The following KRT1 variants were observed in gnomAD, a reference collection of about 807,000 sequenced individuals.
KRT1 encodes keratin, type II cytoskeletal 1.
Under a neutral mutation model 51.6 loss-of-function variants are expected in KRT1, and 28 were observed. The ratio of observed to expected loss-of-function variants is 0.54; its 90% CI spans 0.40 to 0.74. The LOEUF is 0.74. Ranked by LOEUF, KRT1 falls within the 30% of genes least tolerant of loss-of-function variation. KRT1 has a pLI of 0.00. For missense variants in KRT1, 783 were observed against 815.5 expected (o/e 0.96, Z 0.49); for synonymous variants, 301 against 307.7 (o/e 0.98, Z 0.23).
In KRT1 at chr12:52,678,600, A is replaced by G; in HGVS notation, c.748T>C (p.Ser250Pro). ...TTCTTCAGTTCCGAATCCAACCGAGATTGATCACTCTTCAGTTGGTCCACT... is the reference window on the plus strand; with the variant it reads ...TTCTTCAGTTCCGAATCCAACCGAGGTTGATCACTCTTCAGTTGGTCCACT... ...RRVDQLKSDQ[S>P]RLDSELKNMQ... Residue 250 changes from serine (S) to proline (P), a missense_variant, in exon 2 of 9, where the codon TCT (serine) becomes CCT (proline). Ser to Pro is a moderately conservative substitution (Grantham distance 74). Coordinates refer to ENST00000252244, the MANE Select transcript of KRT1 (RefSeq NM_006121.4). 2 of 1,614,170 alleles carry G rather than the reference A, an allele frequency of 1.2e-6. No individual in the cohort carries two copies. Among genetic ancestry groups the G allele is most frequent in the Non-Finnish European group, 1.7e-6 (2 of 1,180,044 alleles).
chr12:52,676,561 T>G, intron 6 of KRT1, 66 bp from the exon 7 acceptor site: 25 of 1,494,904 alleles, frequency 1.7e-5, no homozygotes, highest in Non-Finnish European at 2.1e-5. Flanking sequence ...TCCCAATTGG[T>G]CTCCCCACTC....
Position 52,677,723 on chromosome 12 carries a change from G to T in KRT1, c.890C>A (p.Thr297Asn), listed in dbSNP as rs199852766. 2 of 1,614,082 alleles carry T rather than the reference G, an allele frequency of 1.2e-6. No homozygotes were observed. The highest frequency in any genetic ancestry group is 2.7e-5 in the African/African-American group (2 of 75,030). ...AAGTTTGGCCTGAAGGTCCACCTTG[G>T]TCATATAAGCACCATCCACATCCTA... The part of the protein sequence containing the change: ...IKKDVDGAYM[T>N]KVDLQAKLDN... The change falls in exon 4 of 9, where the codon ACC becomes AAC. Residue 297 changes from threonine (T) to asparagine (N), a missense_variant. By Grantham distance (65) the Thr-to-Asn change is moderately conservative. Coordinates refer to ENST00000252244, the MANE Select transcript of KRT1 (RefSeq NM_006121.4).
chr12:52,677,175 G>A lies in KRT1; in HGVS notation c.1138C>T (p.Leu380=), dbSNP rs765291884. Residue 380 remains leucine, a synonymous_variant, in exon 6 of 9, where the codon CTG becomes TTG. Transcript: ENST00000252244. ...CCATGTCTGCCAGCAGTGATCTGCA[G>A]CTCTTCATACTAAAGATGGTAGATA... ...ESLYQSKYEE[L]QITAGRHGDS... 3.1e-6 allele frequency: 5 copies of A among 1,614,072 alleles called. No homozygotes were observed. In the East Asian group the frequency reaches 6.7e-5, roughly 22 times the overall value.
Position 52,675,703 on chromosome 12 carries a change from T to C in KRT1, c.1510+7A>G. On this transcript the variant is annotated splice_region_variant and intron_variant, in intron 8 of 8. Transcript: ENST00000252244. Reference sequence around the variant, plus strand: ...CACATGCCCCTGAGAAATCGACTTGTACTTACACACACTCACGTTCGGGGC... The same window carrying C: ...CACATGCCCCTGAGAAATCGACTTGCACTTACACACACTCACGTTCGGGGC... 1 of 1,614,162 alleles carries C rather than the reference T, an allele frequency of 6.2e-7. No homozygotes were observed. The highest frequency in any genetic ancestry group is 8.5e-7 in the Non-Finnish European group (1 of 1,180,036).
At chr12:52,677,524 A>T in intron 4 of KRT1, 44 bp from the exon 5 acceptor site, 1 of 1,612,948 alleles carries the variant, frequency 6.2e-7, no homozygotes, top group Non-Finnish European at 8.5e-7. Flanking sequence ...CACTAAAACA[A>T]AAAACAACTT....
At chr12:52,675,787 C>G (rs762063927) in intron 7 of KRT1, 43 bp from the exon 8 acceptor site, 17 of 1,610,004 alleles carry the variant, frequency 1.1e-5, no homozygotes, top group Non-Finnish European at 1.3e-5. Context: ...ACTCCAGCTT[C>G]CCAAACCGCT....
chr12:52,677,129 T>C lies in KRT1; in HGVS notation c.1184A>G (p.Lys395Arg). The C allele has an allele frequency of 6.2e-7, 1 of 1,614,154 alleles. No individual in the cohort carries two copies. The highest frequency in any genetic ancestry group is 8.5e-7 in the Non-Finnish European group (1 of 1,180,044). Residue 395 changes from lysine (K) to arginine (R), a missense_variant, in exon 6 of 9, where the codon AAG (lysine) becomes AGG (arginine). Transcript: ENST00000252244. ...ACGATTCAGCTCAGAAATTTCTATC[T>C]TTGAATTTCTCACACTATCCCCATG... is the stretch of plus-strand genomic sequence containing the variant. ...GRHGDSVRNSKIEISELNRVI... is the reference protein window; with the variant it reads ...GRHGDSVRNSRIEISELNRVI...
At position 52,680,403 on chromosome 12, in the gene KRT1, C is replaced by G; in HGVS notation, c.-55G>C. The G allele has an allele frequency of 6.8e-6, 10 of 1,481,232 alleles. No homozygotes were observed. The highest frequency in any genetic ancestry group is 9.4e-6 in the Non-Finnish European group (10 of 1,064,834). 91.8% of individuals were successfully genotyped at this position (1,481,232 alleles called of 1,614,324 possible). The stretch of plus-strand genomic sequence containing the variant: ...AGAGTAAGGGAAGGAGCTAAACACT[C>G]CTCTACCCCAAGCATAGAGACTTCC... On this transcript the variant is annotated 5_prime_UTR_variant, in exon 1 of 9. Transcript: ENST00000252244.
At chr12:52,678,102 T>A (rs1345209163) in intron 3 of KRT1, 61 bp downstream of exon 3, 17 of 1,525,098 alleles carry the variant, frequency 1.1e-5, no homozygotes, top group Non-Finnish European at 1.3e-5. Flanking sequence ...TGCTTAGTAA[T>A]TGGAGACCCT....
chr12:52,679,529 T>C (rs530511809), intron 1 of KRT1, among the ~76,000 whole-genome samples: 1 of 152,228 alleles, frequency 6.6e-6, no homozygotes, highest in Non-Finnish European at 1.5e-5. Flanking sequence ...TAAATGTTAA[T>C]GTCACACTGA....
intron 1 of KRT1, 103 bp downstream of exon 1, chr12:52,679,655 A>C (rs1941557059): frequency 6.9e-6 from 7 of 1,016,180 alleles, no homozygotes; most frequent in African/African-American, 1.6e-5. Context: ...CCTTTTAATC[A>C]TGTAAACATG....
rs748334745 is a variant in KRT1, at chr12:52,675,730, C to A, written c.1490G>T (p.Cys497Phe). The change falls in exon 8 of 9, where the codon TGT (cysteine) becomes TTT (phenylalanine). Residue 497 changes from cysteine (C) to phenylalanine (F), a missense_variant. Coordinates refer to ENST00000252244, the MANE Select transcript of KRT1 (RefSeq NM_006121.4). ...CTTACACACACTCACGTTCGGGGCA[C>A]ATTCTCCAGACATCCTGTAGGAGAA... ...EGEESRMSGE[C>F]APNVSVSVST... The A allele has an allele frequency of 6.2e-7, 1 of 1,614,212 alleles. No individual in the cohort carries two copies. Among genetic ancestry groups the A allele is most frequent in the Non-Finnish European group, 8.5e-7 (1 of 1,180,038 alleles).
At chr12:52,679,667 A>G (rs1941557260) in intron 1 of KRT1, 91 bp downstream of exon 1, 2 of 1,099,188 alleles carry the variant, frequency 1.8e-6, no homozygotes, top group African/African-American at 3.4e-5. Flanking sequence ...GTAAACATGG[A>G]AACTTGAGGT....
Position 52,679,869 on chromosome 12 carries a change from G to T in KRT1, c.480C>A (p.Ser160Arg). ...TCTCCACATTGAGGGGCTGAAGAAG[G>T]CTCTGGTTGATAGTGACTTCTTGTA... is the stretch of plus-strand genomic sequence containing the variant. ...GGIQEVTINQ[S>R]LLQPLNVEID... The change falls in exon 1 of 9, where the codon AGC (serine) becomes AGA (arginine). Residue 160 changes from serine to arginine, a missense_variant. Transcript: ENST00000252244. 1.2e-6 allele frequency: 2 copies of T among 1,614,144 alleles called. No individual in the cohort carries two copies. Among genetic ancestry groups the T allele is most frequent in the South Asian group, 1.1e-5 (1 of 91,080 alleles).
At position 52,675,259 on chromosome 12, in the gene KRT1, G is replaced by T; in HGVS notation, c.1869C>A (p.Val623=). ...IGGRGSSSGG[V]KSSGGSSSVK... is the part of the protein sequence containing the mutation. ...CGCTGGAACTGCCACCAGAGGACTT[G>T]ACACCCCCAGAGCTGGATCCCCGGC... The change falls in exon 9 of 9, where the codon GTC becomes GTA. Residue 623 remains valine (V), a synonymous_variant. Coordinates refer to ENST00000252244, the MANE Select transcript of KRT1 (RefSeq NM_006121.4). 1 of 1,613,906 alleles carries T rather than the reference G, an allele frequency of 6.2e-7. No individual in the cohort carries two copies. Among genetic ancestry groups the T allele is most frequent in the Non-Finnish European group, 8.5e-7 (1 of 1,180,018 alleles).
chr12:52,675,840 G>A (rs1941496030), intron 7 of KRT1, 96 bp from the exon 8 acceptor site: 1 of 1,406,398 alleles, frequency 7.1e-7, no homozygotes, highest in African/African-American at 1.4e-5. Flanking sequence ...TTCCCCATCT[G>A]GGTCTTCTCC....
At chr12:52,676,539 TA>T in intron 6 of KRT1, 44 bp from the exon 7 acceptor site, 1 of 1,592,126 alleles carries the variant, frequency 6.3e-7, no homozygotes, top group Non-Finnish European at 8.6e-7. Context: ...CATTCCCCAC[TA>T]GGCCTCCTCA....
At position 52,676,515 on chromosome 12, in the gene KRT1, C is replaced by T. The variant is rs1249540199; in HGVS notation, c.1255-20G>A. 1.9e-6 allele frequency: 3 copies of T among 1,613,030 alleles called. No individual in the cohort carries two copies. Among genetic ancestry groups the T allele is most frequent in the South Asian group, 1.1e-5 (1 of 90,974 alleles). ...GGAGATCTGAAAAAGAATATGACAC[C>T]CTCTCATAATATGCATTCCCCACTA... is the stretch of plus-strand genomic sequence containing the variant. On this transcript the variant is annotated intron_variant, in intron 6 of 8. Transcript: ENST00000252244.
In KRT1 at chr12:52,679,829, G is replaced by C; in HGVS notation, c.520C>G (p.Gln174Glu). 2 of 1,614,078 alleles carry C rather than the reference G, an allele frequency of 1.2e-6. No individual in the cohort carries two copies. The highest frequency in any genetic ancestry group is 3.3e-4 in the Middle Eastern group (2 of 6,062). ...PLNVEIDPEI[Q>E]KVKSREREQI... is the part of the protein sequence containing the mutation. The stretch of plus-strand genomic sequence containing the variant: ...TCCCTTTCTCGAGACTTCACCTTTT[G>C]GATCTCAGGGTCAATCTCCACATTG... The change falls in exon 1 of 9, where the codon CAA becomes GAA. Residue 174 changes from glutamine to glutamate, a missense_variant. Transcript: ENST00000252244.
Sources: gnomAD v4.1 joint callset for allele counts (sites outside exome capture counted in the v4.1 genomes callset) on GRCh38, gnomAD v4.1.1 for gene constraint, MANE v1.5 for transcripts, NCBI Gene and HGNC (gene_info 2026-07-23, HGNC 2026-07-21) for gene names.